TANGO6: variants seen among roughly 807,000 people sequenced by gnomAD.
TANGO6 encodes transport and golgi organization 6 homolog.
A neutral mutation model predicts 114.2 loss-of-function variants in TANGO6; 90 were observed. The ratio of observed to expected loss-of-function variants is 0.79; its 90% CI spans 0.66 to 0.94. The LOEUF (loss-of-function observed/expected upper bound fraction) is 0.94. Among genes scored for constraint, TANGO6 ranks in the 40% least tolerant of loss-of-function variants. The pLI, the probability that TANGO6 is intolerant of heterozygous loss-of-function variation, is 0.00. For missense variants in TANGO6, 1,274 were observed against 1,315.3 expected (o/e 0.97, Z 0.49); for synonymous variants, 477 against 509.8 (o/e 0.94, Z 0.87).
intron 7 of TANGO6, among the ~76,000 whole-genome samples, chr16:68,882,020 A>C (rs539104026): frequency 1.3e-4 from 19 of 151,960 alleles, no homozygotes; most frequent in Admixed American, 5.2e-4. Flanking sequence ...TATTTTAATA[A>C]ATTTATAATA....
chr16:68,936,682 A>T (rs1963302194), intron 14 of TANGO6, among the ~76,000 whole-genome samples: 1 of 152,172 alleles, frequency 6.6e-6, no homozygotes, highest in Admixed American at 6.6e-5. Context: ...ATGTCCTCTC[A>T]GTCACTTTCA....
intron 9 of TANGO6, among the ~76,000 whole-genome samples, chr16:68,906,398 A>G (rs563997388): frequency 2.5e-4 from 38 of 152,248 alleles, no homozygotes; most frequent in South Asian, 8.3e-4. Flanking sequence ...TCAGTGGCTC[A>G]TCAGAAAAAA....
At position 68,974,178 on chromosome 16, in the gene TANGO6, C is replaced by G. The variant is rs1963738320; in HGVS notation, c.2842+10C>G. On this transcript the variant is annotated intron_variant, in intron 15 of 17. Transcript: ENST00000261778. ...ATCGTCAGGGCATTAGGTGAGTTTTCTTGTTCCATCCACCTGGAAAAGGGT... is the reference window on the plus strand; with the variant it reads ...ATCGTCAGGGCATTAGGTGAGTTTTGTTGTTCCATCCACCTGGAAAAGGGT... 1 of 1,613,764 alleles carries G rather than the reference C, an allele frequency of 6.2e-7. No homozygotes were observed. The highest frequency in any genetic ancestry group is 1.1e-5 in the South Asian group (1 of 91,066).
At chr16:68,879,190 G>A (rs1035695733) in intron 6 of TANGO6, among the ~76,000 whole-genome samples, 7 of 151,852 alleles carry the variant, frequency 4.6e-5, no homozygotes, top group African/African-American at 1.7e-4. Flanking sequence ...AGGCTGGTCT[G>A]GAACTCCTGG....
chr16:68,994,098 G>T (rs1296321136), intron 15 of TANGO6, among the ~76,000 whole-genome samples: 2 of 152,206 alleles, frequency 1.3e-5, no homozygotes, highest in Non-Finnish European at 2.9e-5. Flanking sequence ...GAGATGGAAT[G>T]AGTAATCTAG....
intron 15 of TANGO6, among the ~76,000 whole-genome samples, chr16:68,996,107 T>C (rs1963987128): frequency 6.6e-6 from 1 of 152,140 alleles, no homozygotes; most frequent in African/African-American, 2.4e-5. Context: ...AAGGGCTATG[T>C]GAGGAGGGAA....
At chr16:68,885,094 T>C (rs79565258) in intron 7 of TANGO6, among the ~76,000 whole-genome samples, 12,277 of 152,238 alleles carry the variant, frequency 0.081, 517 homozygotes, top group Admixed American at 0.11. Flanking sequence ...GTCTATTAAC[T>C]TTCTGCTAAT....
intron 17 of TANGO6, among the ~76,000 whole-genome samples, chr16:69,064,201 A>G (rs987582777): frequency 1.3e-5 from 2 of 152,112 alleles, no homozygotes; most frequent in African/African-American, 4.8e-5. Context: ...TGCCATGCGT[A>G]TATTAGCACA....
chr16:68,938,993 G>A (rs1186985673), intron 14 of TANGO6, among the ~76,000 whole-genome samples: 2 of 146,208 alleles, frequency 1.4e-5, no homozygotes, highest in Non-Finnish European at 3.0e-5. Context: ...GGTCTTTTGA[G>A]CCCAGGAGGT....
intron 14 of TANGO6, among the ~76,000 whole-genome samples, chr16:68,966,384 G>A (rs1048096820): frequency 1.3e-5 from 2 of 151,522 alleles, no homozygotes; most frequent in African/African-American, 4.9e-5. Flanking sequence ...CGTGCCTATA[G>A]TCCCAGCTAC....
At chr16:68,868,292 C>T (rs1804385462) in intron 4 of TANGO6, among the ~76,000 whole-genome samples, 2 of 151,920 alleles carry the variant, frequency 1.3e-5, no homozygotes, top group South Asian at 2.1e-4. Flanking sequence ...TAATGCTAAG[C>T]ATGGTAGTAG....
intron 14 of TANGO6, among the ~76,000 whole-genome samples, chr16:68,935,747 A>G (rs1963293072): frequency 6.6e-6 from 1 of 152,224 alleles, no homozygotes; most frequent in African/African-American, 2.4e-5. Context: ...TATTCCTTGT[A>G]TATTCTTTCT....
chr16:69,031,004 C>G (rs1959584471), intron 16 of TANGO6, among the ~76,000 whole-genome samples: 1 of 151,928 alleles, frequency 6.6e-6, no homozygotes, highest in Non-Finnish European at 1.5e-5. Context: ...TGCAGTGAAC[C>G]AATATCGCAC....
chr16:69,083,354 C>G, intron 17 of TANGO6, 131 bp from the exon 18 acceptor site: 1 of 1,198,782 alleles, frequency 8.3e-7, no homozygotes, highest in Non-Finnish European at 1.1e-6. Flanking sequence ...CCACTGCACC[C>G]AGCCACATTA....
chr16:68,904,599 CT>C (rs1268933799), intron 9 of TANGO6, among the ~76,000 whole-genome samples: 4 of 152,018 alleles, frequency 2.6e-5, no homozygotes, highest in Non-Finnish European at 5.9e-5. Context: ...AAACATCTAT[CT>C]TTTTTTTCTC....
rs763738871 is a variant in TANGO6, at chr16:68,886,515, C to CT, written c.1377+5895dup. On this transcript the variant is annotated intron_variant, in intron 7 of 17. Transcript: ENST00000261778. ...CCGATCTCATCTCAGTCTCTCCATACTTTTTTTTTTGAGACAGAGTTTTGC... is the reference window on the plus strand; with the variant it reads ...CCGATCTCATCTCAGTCTCTCCATACTTTTTTTTTTTGAGACAGAGTTTTGC... Among the ~76,000 whole-genome samples the CT allele has an allele frequency of 1.4e-3, 205 of 143,568 alleles. 1 individual carries two copies. In the South Asian group the frequency reaches 0.028, roughly 20 times the overall value. 94.2% of individuals were successfully genotyped at this position (143,568 alleles called of 152,430 possible).
At chr16:68,965,120 C>T (rs1963632414) in intron 14 of TANGO6, among the ~76,000 whole-genome samples, 1 of 152,066 alleles carries the variant, frequency 6.6e-6, no homozygotes, top group Admixed American at 6.6e-5. Flanking sequence ...GAATGCAAGA[C>T]ATTCTATGAA....
rs563900276 is a variant in TANGO6, at chr16:69,084,168, T to C, written c.*507T>C. 1 of 152,520 alleles carries C rather than the reference T, an allele frequency of 6.6e-6. No individual in the cohort carries two copies. Among genetic ancestry groups the C allele is most frequent in the East Asian group, 1.9e-4 (1 of 5,322 alleles). 9.4% of individuals were successfully genotyped at this position (152,520 alleles called of 1,614,324 possible). On this transcript the variant is annotated 3_prime_UTR_variant, in exon 18 of 18. Transcript: ENST00000261778. Reference sequence around the variant, plus strand: ...GTTGGAGGTGGGGAGGGGAAGGAAATAGTTATCAAATAATGCAAAATGGAA... The same window carrying C: ...GTTGGAGGTGGGGAGGGGAAGGAAACAGTTATCAAATAATGCAAAATGGAA...
intron 15 of TANGO6, among the ~76,000 whole-genome samples, chr16:69,013,052 A>G (rs1959227017): frequency 6.6e-6 from 1 of 152,196 alleles, no homozygotes; most frequent in Admixed American, 6.6e-5. Context: ...AGGTTAGCCA[A>G]TAGTTGTGAA....
Sources: allele counts gnomAD v4.1 joint callset (sites outside exome capture counted in the v4.1 genomes callset), GRCh38; gene constraint gnomAD v4.1.1; transcripts MANE v1.5; gene names NCBI Gene and HGNC (gene_info 2026-07-23, HGNC 2026-07-21).